Variants in KCNH8 observed in about 807,000 individuals in gnomAD.
KCNH8 encodes potassium voltage-gated channel subfamily H member 8, also known as voltage-gated delayed rectifier potassium channel KCNH8.
KCNH8 carries 70 observed loss-of-function variants against 103.6 expected under a neutral mutation model. The ratio of observed to expected loss-of-function variants is 0.68; its 90% CI spans 0.56 to 0.82. The LOEUF (loss-of-function observed/expected upper bound fraction) is 0.82, where lower values mean the gene tolerates loss of function less well. Among genes scored for constraint, KCNH8 ranks in the 40% least tolerant of loss-of-function variants. KCNH8 has a pLI of 0.00. For synonymous variants in KCNH8, 498 were observed against 489.4 expected, an observed-to-expected ratio of 1.02 and a Z score of -0.23; for missense variants, 1,217 against 1,329.9, an observed-to-expected ratio of 0.92 and a Z score of 1.32.
chr3:19,518,515 T>A (rs1222956110), intron 15 of KCNH8, among the ~76,000 whole-genome samples: 1 of 152,050 alleles, frequency 6.6e-6, no homozygotes, highest in African/African-American at 2.4e-5. Flanking sequence ...TTCCTCTGAC[T>A]TGTATTTGCT....
intron 1 of KCNH8, among the ~76,000 whole-genome samples, chr3:19,240,566 C>T (rs1037197767): frequency 5.3e-5 from 8 of 150,068 alleles, no homozygotes; most frequent in African/African-American, 2.0e-4. Context: ...GAGCCGAGAT[C>T]GTGCCACTGT....
intron 1 of KCNH8, among the ~76,000 whole-genome samples, chr3:19,227,077 A>G (rs1052290164): frequency 5.3e-5 from 8 of 152,140 alleles, no homozygotes; most frequent in African/African-American, 1.9e-4. Context: ...TTTATTGTTT[A>G]TACTCAGGCA....
chr3:19,192,356 A>T (rs1350506870), intron 1 of KCNH8, among the ~76,000 whole-genome samples: 1 of 151,640 alleles, frequency 6.6e-6, no homozygotes, highest in East Asian at 1.9e-4. Context: ...AACCTTAAAG[A>T]GTCAGCTACT....
intron 15 of KCNH8, among the ~76,000 whole-genome samples, chr3:19,530,914 CA>C (rs1225269036): frequency 6.6e-6 from 1 of 152,178 alleles, no homozygotes; most frequent in Non-Finnish European, 1.5e-5. Flanking sequence ...TTATTGCTCC[CA>C]TTTTACAAGT....
At chr3:19,271,581 A>C (rs1408543146) in intron 2 of KCNH8, among the ~76,000 whole-genome samples, 1 of 152,196 alleles carries the variant, frequency 6.6e-6, no homozygotes, top group Non-Finnish European at 1.5e-5. Flanking sequence ...TAAATGAAGC[A>C]TTACATATAC....
intron 11 of KCNH8, among the ~76,000 whole-genome samples, chr3:19,483,276 C>T (rs1200964553): frequency 6.6e-6 from 1 of 152,138 alleles, no homozygotes; most frequent in Admixed American, 6.5e-5. Flanking sequence ...ACACGGTTTG[C>T]AACTTTGGGA....
chr3:19,283,075 A>T (rs1393922232), intron 3 of KCNH8, among the ~76,000 whole-genome samples: 1 of 152,150 alleles, frequency 6.6e-6, no homozygotes, highest in South Asian at 2.1e-4. Context: ...GGGTCATCCT[A>T]TACATGTCCA....
At chr3:19,234,123 T>G (rs927954429) in intron 1 of KCNH8, among the ~76,000 whole-genome samples, 11 of 152,196 alleles carry the variant, frequency 7.2e-5, no homozygotes, top group Admixed American at 1.3e-4. Flanking sequence ...GGCCCAGTGG[T>G]CTGTTTTGAC....
chr3:19,382,710 T>A lies in KCNH8; in HGVS notation c.812-7771T>A, dbSNP rs150012021. ...AATAATGACAACACCTACCCAGTGA[T>A]CCACAACCTAGGGAGTTGGACTCGA... On this transcript the variant is annotated intron_variant, in intron 5 of 15. Transcript: ENST00000328405. 4.8e-3 allele frequency among the ~76,000 whole-genome samples: 732 copies of A among 152,254 alleles called. 6 individuals are homozygous for A. Among genetic ancestry groups the A allele is most frequent in the African/African-American group, 0.017 (686 of 41,554 alleles).
At chr3:19,499,635 A>G (rs1029067437) in intron 11 of KCNH8, among the ~76,000 whole-genome samples, 2 of 152,176 alleles carry the variant, frequency 1.3e-5, no homozygotes, top group African/African-American at 4.8e-5. Flanking sequence ...GCCAATATTC[A>G]ACATTCTTAA....
intron 1 of KCNH8, among the ~76,000 whole-genome samples, chr3:19,218,290 T>G (rs1417732287): frequency 5.3e-5 from 8 of 152,230 alleles, no homozygotes; most frequent in Admixed American, 4.6e-4. Context: ...AGTGAACTTG[T>G]TGGATTTCCG....
Position 19,438,206 on chromosome 3 carries a change from A to G in KCNH8, c.1220A>G (p.Tyr407Cys). The G allele has an allele frequency of 6.2e-7, 1 of 1,614,044 alleles. No homozygotes were observed. Among genetic ancestry groups the G allele is most frequent in the South Asian group, 1.1e-5 (1 of 91,068 alleles). ...GGAAAGAGACTGGAATCTCCATACT[A>G]TGGCAACAATACCTTGGGGGGCCCG... Reference protein sequence around the residue: ...ELGKRLESPYYGNNTLGGPSI... With the variant: ...ELGKRLESPYCGNNTLGGPSI... The change falls in exon 8 of 16, where the codon TAT becomes TGT. Residue 407 changes from tyrosine to cysteine, a missense_variant. Transcript: ENST00000328405.
At chr3:19,242,858 A>G (rs1175973442) in intron 1 of KCNH8, among the ~76,000 whole-genome samples, 2 of 152,306 alleles carry the variant, frequency 1.3e-5, no homozygotes, top group East Asian at 3.9e-4. Context: ...CAAGGACTGT[A>G]CTTTGAGAAA....
chr3:19,237,083 C>G (rs1026383794), intron 1 of KCNH8, among the ~76,000 whole-genome samples: 2 of 152,230 alleles, frequency 1.3e-5, no homozygotes, highest in Non-Finnish European at 2.9e-5. Flanking sequence ...CAGCAACAAA[C>G]AGCATAAGCT....
chr3:19,340,357 ATTTTTT>A (rs33979047), intron 3 of KCNH8, among the ~76,000 whole-genome samples: 2 of 143,942 alleles, frequency 1.4e-5, no homozygotes, highest in African/African-American at 5.1e-5. Context: ...TTTTTTTTTA[ATTTTTT>A]TTTTTTTTAT....
At chr3:19,218,562 G>A (rs532344555) in intron 1 of KCNH8, among the ~76,000 whole-genome samples, 1 of 152,308 alleles carries the variant, frequency 6.6e-6, no homozygotes, top group Admixed American at 6.5e-5. Context: ...TAAAGTCCCT[G>A]CGGTAAGACT....
chr3:19,181,015 A>G (rs2063447777), intron 1 of KCNH8, among the ~76,000 whole-genome samples: 2 of 152,162 alleles, frequency 1.3e-5, no homozygotes, highest in African/African-American at 4.8e-5. Flanking sequence ...GATGGCCTGA[A>G]TATTATCATA....
chr3:19,415,405 T>A (rs2066847732), intron 7 of KCNH8, among the ~76,000 whole-genome samples: 1 of 106,674 alleles, frequency 9.4e-6, no homozygotes, highest in Admixed American at 9.2e-5. Flanking sequence ...CTCAATGAGC[T>A]TTTTTTTTTT....
At chr3:19,525,227 AAAG>A (rs1182370200) in intron 15 of KCNH8, among the ~76,000 whole-genome samples, 9 of 151,834 alleles carry the variant, frequency 5.9e-5, no homozygotes, top group African/African-American at 1.7e-4. Flanking sequence ...CAAAATAAAA[AAAG>A]AAATTTCAAA....
Sources: gnomAD v4.1 joint callset for allele counts (sites outside exome capture counted in the v4.1 genomes callset) on GRCh38, gnomAD v4.1.1 for gene constraint, MANE v1.5 for transcripts, NCBI Gene and HGNC (gene_info 2026-07-23, HGNC 2026-07-21) for gene names.